Variants in SLC9A5 observed in about 807,000 individuals in gnomAD.
SLC9A5 encodes solute carrier family 9 member A5.
In SLC9A5, 52 loss-of-function variants were observed where a neutral mutation model predicts 91.7. The observed-to-expected ratio is 0.57, with a 90% CI of 0.45 to 0.71. SLC9A5 has a LOEUF of 0.71. Ranked by LOEUF, SLC9A5 falls within the 30% of genes least tolerant of loss-of-function variation. SLC9A5 has a pLI of 0.00. For synonymous variants in SLC9A5, 419 were observed against 474.5 expected (o/e 0.88, Z 1.52); for missense variants, 871 against 1,158.9 (o/e 0.75, Z 3.61).
chr16:67,264,825 A>C (rs1045741374), intron 13 of SLC9A5, among the ~76,000 whole-genome samples: 2 of 149,302 alleles, frequency 1.3e-5, no homozygotes, highest in Non-Finnish European at 2.9e-5. Flanking sequence ...CAACTCCATG[A>C]GCTCCTAAGT....
chr16:67,266,274 C>A (rs770915129), intron 15 of SLC9A5, 49 bp downstream of exon 15: 6 of 1,535,052 alleles, frequency 3.9e-6, no homozygotes, highest in Non-Finnish European at 4.4e-6. Context: ...AGCTGGTTTC[C>A]TCTCTCTTCA....
rs750091116 is a variant in SLC9A5, at chr16:67,256,887, C to T, written c.1133-24C>T. Reference sequence around the variant, plus strand: ...GTCCTCCACTCCCAACGCTTTGCTCCCACTGGCCTCCCTCCCGCTGTAGGC... The same window carrying T: ...GTCCTCCACTCCCAACGCTTTGCTCTCACTGGCCTCCCTCCCGCTGTAGGC... On this transcript the variant is annotated intron_variant, in intron 6 of 15. Coordinates refer to ENST00000299798, the MANE Select transcript of SLC9A5 (RefSeq NM_004594.3). This position sits in a 1 kb window ranked among gnomAD's most constrained non-coding sequence, Gnocchi z 4.1. 1 of 1,610,932 alleles carries T rather than the reference C, an allele frequency of 6.2e-7. No homozygotes were observed.
At position 67,249,165 on chromosome 16, in the gene SLC9A5, G is replaced by A. The variant is rs764945795; in HGVS notation, c.151G>A (p.Ala51Thr). ...CGAGGTGGAGGCGCCCTACCTGGTG[G>A]CCCTGTGGATCCTGGTGGCCAGTCT... ...WHEVEAPYLVALWILVASLAK... is the reference protein window; with the variant it reads ...WHEVEAPYLVTLWILVASLAK... Residue 51 changes from alanine to threonine, a missense_variant, in exon 1 of 16, where the codon GCC (alanine) becomes ACC (threonine). By Grantham distance (58) the Ala-to-Thr change is moderately conservative. Around this residue, in one of 3 missense-constraint regions of SLC9A5, gnomAD observed 122 missense variants for 114.5 expected, o/e 1.07. Transcript: ENST00000299798. 6 of 1,565,196 alleles carry A rather than the reference G, an allele frequency of 3.8e-6. No individual in the cohort carries two copies. The highest frequency in any genetic ancestry group is 5.2e-6 in the Non-Finnish European group (6 of 1,161,508).
At chr16:67,260,538 T>C (rs1342782499) in intron 12 of SLC9A5, among the ~76,000 whole-genome samples, 2 of 151,732 alleles carry the variant, frequency 1.3e-5, no homozygotes, top group East Asian at 1.9e-4. Context: ...GGACAGCCAG[T>C]TGGGAAGATG....
In SLC9A5 at chr16:67,252,450, A is replaced by T; in HGVS notation, c.188-92A>T. On this transcript the variant is annotated intron_variant, in intron 1 of 15. Transcript: ENST00000299798. This position sits in a 1 kb window ranked among gnomAD's most constrained non-coding sequence, Gnocchi z 4.0. ...GGGCAACAGAGTGAGACTTCATCTC[A>T]AAAAAAAAAAAACAAAACTGGGAGT... 1 of 599,106 alleles carries T rather than the reference A, an allele frequency of 1.7e-6. No individual in the cohort carries two copies. The highest frequency in any genetic ancestry group is 4.4e-5 in the East Asian group (1 of 22,784). The allele number at this position is 599,106 out of a possible 1,614,324, so 37.1% of individuals were successfully genotyped here. A position where few individuals can be genotyped will look rare whatever the true frequency, so the allele number is the denominator to read the frequency against.
Position 67,255,849 on chromosome 16 carries a change from T to G in SLC9A5, c.830T>G (p.Ile277Ser). The change falls in exon 5 of 16, where the codon ATC becomes AGC. Residue 277 changes from isoleucine (I) to serine (S), a missense_variant. By Grantham distance (142) the Ile-to-Ser change is moderately radical. Around this residue, in one of 3 missense-constraint regions of SLC9A5, gnomAD observed 454 missense variants for 718.3 expected, o/e 0.63. Coordinates refer to ENST00000299798, the MANE Select transcript of SLC9A5 (RefSeq NM_004594.3). The surrounding 1 kb of genome is among the most constrained non-coding windows in gnomAD (Gnocchi z 4.9). ...LTTRFTKRVR[I>S]IEPLLVFLLA... ...ACACGCTTCACCAAGCGGGTCCGCA[T>G]CATCGAGCCGCTGCTGGTCTTCCTC... 1 of 1,613,068 alleles carries G rather than the reference T, an allele frequency of 6.2e-7. No individual in the cohort carries two copies.
rs866473389 is a variant in SLC9A5 at position 67,265,184 on chromosome 16, G to A, written c.2080+78G>A. 32 of 1,411,084 alleles carry A rather than the reference G, an allele frequency of 2.3e-5. No individual in the cohort carries two copies. In the African/African-American group the frequency reaches 3.4e-4, roughly 15 times the overall value. The allele number at this position is 1,411,084 out of a possible 1,614,324, so 87.4% of individuals were successfully genotyped here. A position where few individuals can be genotyped will look rare whatever the true frequency, so the allele number is the denominator to read the frequency against. On this transcript the variant is annotated intron_variant, in intron 14 of 15. Transcript: ENST00000299798. ...GGGGCTTGCCAGCCAGAATCCTGGAGGACCCGCTGTAGGGTGCATTCAGCA... is the reference window on the plus strand; with the variant it reads ...GGGGCTTGCCAGCCAGAATCCTGGAAGACCCGCTGTAGGGTGCATTCAGCA...
rs2035374567 is a variant in SLC9A5 at position 67,257,778 on chromosome 16, GGCCTGCTTGGCCCT to G, written c.1496+180_1496+193del. 6.6e-6 allele frequency among the ~76,000 whole-genome samples: 1 copy of G among 152,224 alleles called. No homozygotes were observed. Among genetic ancestry groups the G allele is most frequent in the African/African-American group, 2.4e-5 (1 of 41,460 alleles). Reference sequence around the variant, plus strand: ...AGGTTAAGACAAGGCTCCCCAGTGTGGCCTGCTTGGCCCTGCATGGTTTGGCAACTGCCAGACTC... The same window carrying G: ...AGGTTAAGACAAGGCTCCCCAGTGTGGCATGGTTTGGCAACTGCCAGACTC... On this transcript the variant is annotated intron_variant, in intron 9 of 15. Coordinates refer to ENST00000299798, the MANE Select transcript of SLC9A5 (RefSeq NM_004594.3). This position sits in a 1 kb window ranked among gnomAD's most constrained non-coding sequence, Gnocchi z 5.1.
In SLC9A5 at chr16:67,270,182, T is replaced by C. The variant is rs1207490643; in HGVS notation, c.2219-556T>C. 6.6e-6 allele frequency among the ~76,000 whole-genome samples: 1 copy of C among 152,132 alleles called. No individual in the cohort carries two copies. The highest frequency in any genetic ancestry group is 1.9e-4 in the East Asian group (1 of 5,194). The stretch of plus-strand genomic sequence containing the variant: ...GGCTCCTGCTTTTGCTATCTTCTTA[T>C]TTTTTATTTTTATTTATTTTTTATA... On this transcript the variant is annotated intron_variant, in intron 15 of 15. Coordinates refer to ENST00000299798, the MANE Select transcript of SLC9A5 (RefSeq NM_004594.3). The surrounding 1 kb of genome is among the most constrained non-coding windows in gnomAD (Gnocchi z 4.3).
intron 15 of SLC9A5, among the ~76,000 whole-genome samples, chr16:67,269,045 G>T (rs1447576115): frequency 6.6e-6 from 1 of 151,402 alleles, no homozygotes; most frequent in Non-Finnish European, 1.5e-5. Flanking sequence ...CTGCTTATTT[G>T]TCCTACAGTC....
rs8049096 is a variant in SLC9A5, at chr16:67,260,061, G to A, written c.1842+115G>A. 12,123 of 1,408,936 alleles carry A rather than the reference G, an allele frequency of 8.6e-3. 829 individuals are homozygous for A. In the African/African-American group the frequency reaches 0.15, roughly 18 times the overall value. 87.3% of individuals were successfully genotyped at this position (1,408,936 alleles called of 1,614,324 possible). On this transcript the variant is annotated intron_variant, in intron 12 of 15. Transcript: ENST00000299798. Reference sequence around the variant, plus strand: ...TGCAGATGCCCAGCTAAAGAGTGTGGGTTTCAGCCGGGTGCGATGGCTCAT... The same window carrying A: ...TGCAGATGCCCAGCTAAAGAGTGTGAGTTTCAGCCGGGTGCGATGGCTCAT...
chr16:67,269,933 G>A (rs752144535), intron 15 of SLC9A5, among the ~76,000 whole-genome samples: 16 of 152,268 alleles, frequency 1.1e-4, no homozygotes, highest in Non-Finnish European at 1.6e-4. Context: ...AGGTTTGCAT[G>A]AGCTCACACT....
Position 67,252,414 on chromosome 16 carries a change from C to A in SLC9A5, c.188-128C>A. On this transcript the variant is annotated intron_variant, in intron 1 of 15. Transcript: ENST00000299798. The surrounding 1 kb of genome is among the most constrained non-coding windows in gnomAD (Gnocchi z 4.0). ...GCAGTGAGCTGAGATTGTGCTACTG[C>A]ACTCCAGCTTGGGCAACAGAGTGAG... 1.3e-6 allele frequency: 1 copy of A among 794,310 alleles called. No individual in the cohort carries two copies. Among genetic ancestry groups the A allele is most frequent in the Non-Finnish European group, 2.0e-6 (1 of 494,600 alleles). 49.2% of individuals were successfully genotyped at this position (794,310 alleles called of 1,614,324 possible). A position where few individuals can be genotyped will look rare whatever the true frequency, so the allele number is the denominator to read the frequency against.
In SLC9A5 at chr16:67,270,849, C is replaced by G; in HGVS notation, c.2330C>G (p.Ser777Trp). The G allele has an allele frequency of 1.9e-6, 3 of 1,614,086 alleles. No homozygotes were observed. The highest frequency in any genetic ancestry group is 2.5e-6 in the Non-Finnish European group (3 of 1,180,006). Reference protein sequence around the residue: ...GQGDLAVYVSSETTKIVPVDM... With the variant: ...GQGDLAVYVSWETTKIVPVDM... ...GGGGACCTGGCAGTGTACGTGTCCT[C>G]GGAAACCACCAAGATTGTGCCTGTG... The change falls in exon 16 of 16, where the codon TCG becomes TGG. Residue 777 changes from serine (S) to tryptophan (W), a missense_variant. Ser to Trp is a radical substitution (Grantham distance 177). Coordinates refer to ENST00000299798, the MANE Select transcript of SLC9A5 (RefSeq NM_004594.3). This position sits in a 1 kb window ranked among gnomAD's most constrained non-coding sequence, Gnocchi z 4.3.
At chr16:67,267,594 G>A (rs761846097) in intron 15 of SLC9A5, among the ~76,000 whole-genome samples, 3 of 152,162 alleles carry the variant, frequency 2.0e-5, no homozygotes, top group Non-Finnish European at 4.4e-5. Context: ...CAAACCATGG[G>A]CTCTGTTGAG....
chr16:67,249,113 CT>C lies in SLC9A5; in HGVS notation c.101del (p.Leu34Ter). 1 of 1,552,984 alleles carries C rather than the reference CT, an allele frequency of 6.4e-7. No individual in the cohort carries two copies. The highest frequency in any genetic ancestry group is 1.4e-5 in the African/African-American group (1 of 72,854). On this transcript the variant is annotated frameshift_variant, in exon 1 of 16. Coordinates refer to ENST00000299798, the MANE Select transcript of SLC9A5 (RefSeq NM_004594.3). LOFTEE classifies it high-confidence loss of function. The part of the protein sequence containing the change: ...PESPGEPPPG[L>X]ELFRWQWHEV... The stretch of plus-strand genomic sequence containing the variant: ...AGTCCCCGGGCGAGCCTCCCCCAGG[CT>C]TAGAGCTCTTCCGCTGGCAGTGGCA...
rs772621187 is a variant in SLC9A5, at chr16:67,252,754, G to A, written c.400G>A (p.Ala134Thr). 16 of 1,614,034 alleles carry A rather than the reference G, an allele frequency of 9.9e-6. No individual in the cohort carries two copies. The highest frequency in any genetic ancestry group is 6.6e-5 in the South Asian group (6 of 91,088). The change falls in exon 2 of 16, where the codon GCC (alanine) becomes ACC (threonine). Residue 134 changes from alanine (A) to threonine (T), a missense_variant. Ala to Thr is a moderately conservative substitution (Grantham distance 58). This residue lies in a region of SLC9A5 where 454 missense variants were observed against 718.3 expected (regional missense o/e 0.63). Transcript: ENST00000299798. The surrounding 1 kb of genome is among the most constrained non-coding windows in gnomAD (Gnocchi z 4.0). ...PSRLFFDNLG[A>T]ILTYAVVGTL... is the part of the protein sequence containing the mutation. Reference sequence around the variant, plus strand: ...CAGGCTGTTCTTTGACAACTTGGGTGCCATCCTCACCTATGCCGTGGTAGG... The same window carrying A: ...CAGGCTGTTCTTTGACAACTTGGGTACCATCCTCACCTATGCCGTGGTAGG...
chr16:67,266,769 G>A (rs1455223529), intron 15 of SLC9A5, among the ~76,000 whole-genome samples: 1 of 151,152 alleles, frequency 6.6e-6, no homozygotes, highest in South Asian at 2.1e-4. Flanking sequence ...TTGAACTCCT[G>A]ACCTCAGGTG....
rs1414267511 is a variant in SLC9A5 at position 67,256,426 on chromosome 16, T to C, written c.912-43T>C. ...CTCAAACCCTGGAGGCTGAGCCCCCTGGAACCCTTCCCCACTTGCCATGTC... is the reference window on the plus strand; with the variant it reads ...CTCAAACCCTGGAGGCTGAGCCCCCCGGAACCCTTCCCCACTTGCCATGTC... On this transcript the variant is annotated intron_variant, in intron 5 of 15. Transcript: ENST00000299798. This position sits in a 1 kb window ranked among gnomAD's most constrained non-coding sequence, Gnocchi z 4.1. The C allele has an allele frequency of 7.0e-7, 1 of 1,427,472 alleles. No homozygotes were observed. Among genetic ancestry groups the C allele is most frequent in the East Asian group, 2.3e-5 (1 of 44,060 alleles). 88.4% of individuals were successfully genotyped at this position (1,427,472 alleles called of 1,614,324 possible).
Sources: allele counts gnomAD v4.1 joint callset (sites outside exome capture counted in the v4.1 genomes callset), GRCh38; gene constraint gnomAD v4.1.1; regional missense constraint gnomAD v4.1.1; non-coding constraint Gnocchi (gnomAD v3.1); transcripts MANE v1.5; gene names NCBI Gene and HGNC (gene_info 2026-07-23, HGNC 2026-07-21).